Variants in USP14 observed in about 807,000 individuals in gnomAD.
The protein encoded by USP14 is ubiquitin specific peptidase 14.
A neutral mutation model predicts 76.5 loss-of-function variants in USP14; 38 were observed. The observed-to-expected ratio is 0.50, with a 90% CI of 0.38 to 0.65. The LOEUF is 0.65. Among genes scored for constraint, USP14 ranks in the 30% least tolerant of loss-of-function variants. The pLI is 0.00. For missense variants in USP14, 467 were observed against 586.5 expected (o/e 0.80, Z 2.10); for synonymous variants, 192 against 191.7 (o/e 1.00, Z -0.01).
At chr18:192,943 T>G in intron 6 of USP14, 43 bp downstream of exon 6, 1 of 1,534,204 alleles carries the variant, frequency 6.5e-7, no homozygotes, top group Non-Finnish European at 8.9e-7. Context: ...GAGTAAGACA[T>G]TCTATTTTTC....
intron 5 of USP14, among the ~76,000 whole-genome samples, chr18:187,054 A>G (rs1567831336): frequency 6.6e-6 from 1 of 152,198 alleles, no homozygotes; most frequent in Non-Finnish European, 1.5e-5. Flanking sequence ...CATTCTGTAC[A>G]TATTCATCAA....
At position 204,641 on chromosome 18, in the gene USP14, A is replaced by T. The variant is rs377084272; in HGVS notation, c.1113A>T (p.Arg371=). Residue 371 remains arginine, a synonymous_variant, in exon 13 of 16, where the codon CGA becomes CGT. Transcript: ENST00000261601. ...PELQEKMVSF[R]SKFKDLEDKK... The stretch of plus-strand genomic sequence containing the variant: ...TTCAAGAGAAAATGGTGTCTTTTCG[A>T]TCCAAATTCAAGGATCTAGAAGATA... 1.6e-5 allele frequency: 26 copies of T among 1,613,266 alleles called. No individual in the cohort carries two copies. In the African/African-American group the frequency reaches 2.8e-4, roughly 17 times the overall value.
rs1462747526 is a variant in USP14 at position 199,216 on chromosome 18, A to G, written c.776A>G (p.Glu259Gly). The G allele has an allele frequency of 6.2e-7, 1 of 1,613,106 alleles. No homozygotes were observed. The highest frequency in any genetic ancestry group is 8.5e-7 in the Non-Finnish European group (1 of 1,179,080). Residue 259 changes from glutamate to glycine, a missense_variant, in exon 10 of 16, where the codon GAA (glutamate) becomes GGA (glycine). Transcript: ENST00000261601. ...VEFETTMKCTESEEEEVTKGK... is the reference protein window; with the variant it reads ...VEFETTMKCTGSEEEEVTKGK... ...AGTTTACAAAGCATGAAATGTACAG[A>G]ATCTGAAGAAGAAGAAGTCACCAAA...
At chr18:163,770 T>C (rs544011014) in intron 2 of USP14, among the ~76,000 whole-genome samples, 2 of 152,150 alleles carry the variant, frequency 1.3e-5, no homozygotes, top group African/African-American at 4.8e-5. Context: ...AGGGTTTCAA[T>C]GTACGGATTT....
intron 5 of USP14, among the ~76,000 whole-genome samples, chr18:185,386 C>T (rs1416427331): frequency 6.6e-6 from 1 of 152,024 alleles, no homozygotes; most frequent in African/African-American, 2.4e-5. Context: ...TCAAAATCCT[C>T]ACAAGTCATC....
chr18:192,967 T>G, intron 6 of USP14, 67 bp downstream of exon 6: 1 of 1,375,624 alleles, frequency 7.3e-7, no homozygotes, highest in Non-Finnish European at 1.0e-6. Context: ...CACAATCCTT[T>G]GCAGTTTACA....
At chr18:206,736 C>T (rs1910538699) in intron 13 of USP14, among the ~76,000 whole-genome samples, 1 of 152,028 alleles carries the variant, frequency 6.6e-6, no homozygotes, top group South Asian at 2.1e-4. Flanking sequence ...CCTGTCTCTA[C>T]TAAAAATACA....
intron 3 of USP14, among the ~76,000 whole-genome samples, chr18:171,028 ATATATAT>A (rs1568416821): frequency 2.2e-3 from 120 of 55,726 alleles, no homozygotes; most frequent in African/African-American, 8.1e-3. Context: ...AAAAAAAAAT[ATATATAT>A]ATATATATAT....
At chr18:204,799 A>G (rs1910483280) in intron 13 of USP14, 107 bp downstream of exon 13, 1 of 1,291,472 alleles carries the variant, frequency 7.7e-7, no homozygotes, top group Non-Finnish European at 1.1e-6. Flanking sequence ...TCAGAACTAT[A>G]CTTTGTATAG....
rs185420335 is a variant in USP14 at position 206,492 on chromosome 18, A to G, written c.1164+1800A>G. On this transcript the variant is annotated intron_variant, in intron 13 of 15. Coordinates refer to ENST00000261601, the MANE Select transcript of USP14 (RefSeq NM_005151.4). ...AATATTTTCTCCTAGTCTGTAGCTT[A>G]TGTTTTCATCCTCTTAACCTAGGGT... 2.8e-4 allele frequency among the ~76,000 whole-genome samples: 42 copies of G among 152,228 alleles called. No individual in the cohort carries two copies. The East Asian group carries it at 7.5e-3, about 27-fold the overall frequency.
At chr18:206,561 C>G (rs1047567643) in intron 13 of USP14, among the ~76,000 whole-genome samples, 10 of 152,126 alleles carry the variant, frequency 6.6e-5, no homozygotes, top group Admixed American at 2.0e-4. Context: ...GAAATCCAGT[C>G]TATTTTTTTC....
chr18:171,371 A>G (rs559735684), intron 3 of USP14, among the ~76,000 whole-genome samples: 4 of 152,192 alleles, frequency 2.6e-5, no homozygotes, highest in South Asian at 2.1e-4. Flanking sequence ...GTTGAAACCA[A>G]TGCTCGTTTA....
At chr18:209,744 A>T (rs541272717) in intron 13 of USP14, among the ~76,000 whole-genome samples, 13 of 152,170 alleles carry the variant, frequency 8.5e-5, no homozygotes, top group Admixed American at 2.0e-4. Context: ...CATCACATTC[A>T]GGGTGTCTGT....
chr18:200,206 A>G (rs1320983346), intron 10 of USP14, among the ~76,000 whole-genome samples: 1 of 152,152 alleles, frequency 6.6e-6, no homozygotes, highest in East Asian at 1.9e-4. Context: ...GGGCCCTATA[A>G]CTTAGCTGAA....
At position 211,810 on chromosome 18, in the gene USP14, A is replaced by G. The variant is rs1232844336; in HGVS notation, c.*526A>G. ...GTCCATCCCATGGAAACATGGGCAC[A>G]ATCAAGTATTTGTCCAGCCTATTGC... On this transcript the variant is annotated 3_prime_UTR_variant, in exon 16 of 16. Transcript: ENST00000261601. 1 of 152,726 alleles carries G rather than the reference A, an allele frequency of 6.5e-6. No homozygotes were observed. Among genetic ancestry groups the G allele is most frequent in the Non-Finnish European group, 1.5e-5 (1 of 68,088 alleles). 9.5% of individuals were successfully genotyped at this position (152,726 alleles called of 1,614,324 possible).
At position 211,901 on chromosome 18, in the gene USP14, T is replaced by C. The variant is rs1420040517; in HGVS notation, c.*617T>C. ...GTACCTTTGATTATACATTTATTAT[T>C]GTGTCTCTCTCTGATGTACTGTGGA... On this transcript the variant is annotated 3_prime_UTR_variant, in exon 16 of 16. Coordinates refer to ENST00000261601, the MANE Select transcript of USP14 (RefSeq NM_005151.4). 7.0e-6 allele frequency: 1 copy of C among 143,546 alleles called. No individual in the cohort carries two copies. Among genetic ancestry groups the C allele is most frequent in the African/African-American group, 2.4e-5 (1 of 40,992 alleles). 8.9% of individuals were successfully genotyped at this position (143,546 alleles called of 1,614,324 possible).
intron 3 of USP14, among the ~76,000 whole-genome samples, chr18:167,213 C>T (rs1394144062): frequency 5.9e-5 from 9 of 152,020 alleles, no homozygotes; most frequent in South Asian, 2.1e-4. Flanking sequence ...ACCTGGGAGG[C>T]GGAGATTGCA....
chr18:188,788 C>T (rs972322616), intron 5 of USP14, among the ~76,000 whole-genome samples: 7 of 151,982 alleles, frequency 4.6e-5, no homozygotes, highest in African/African-American at 1.4e-4. Context: ...AGCGATTCTC[C>T]TGCCTCAGCC....
At chr18:193,003 C>T (rs1910133231) in intron 6 of USP14, 103 bp downstream of exon 6, 3 of 896,594 alleles carry the variant, frequency 3.3e-6, no homozygotes, top group Non-Finnish European at 5.1e-6. Context: ...AACATCACCT[C>T]ATTAAGCCTG....
Sources: allele counts gnomAD v4.1 joint callset (sites outside exome capture counted in the v4.1 genomes callset), GRCh38; gene constraint gnomAD v4.1.1; transcripts MANE v1.5; gene names NCBI Gene and HGNC (gene_info 2026-07-23, HGNC 2026-07-21).